The following OLFM3 variants were observed in gnomAD, a reference collection of about 807,000 sequenced individuals.
The protein encoded by OLFM3 is noelin-3.
OLFM3 carries 20 observed loss-of-function variants against 48.6 expected under a neutral mutation model. That is an observed-to-expected ratio of 0.41 (90% confidence interval 0.29 to 0.60). The LOEUF (loss-of-function observed/expected upper bound fraction) is 0.60, where lower values mean the gene tolerates loss of function less well. Among genes scored for constraint, OLFM3 ranks in the 20% least tolerant of loss-of-function variants. OLFM3 has a pLI of 0.28. For synonymous variants in OLFM3, 222 were observed against 198.1 expected (o/e 1.12, Z -1.01); for missense variants, 437 against 544.3 (o/e 0.80, Z 1.96).
At chr1:101,917,987 A>AT (rs1318978396) in intron 1 of OLFM3, among the ~76,000 whole-genome samples, 4 of 152,188 alleles carry the variant, frequency 2.6e-5, no homozygotes, top group African/African-American at 9.7e-5. Flanking sequence ...AAGAACATTG[A>AT]TTAAAAAAAA....
chr1:101,892,169 T>C lies in OLFM3; in HGVS notation c.70-55144A>G, dbSNP rs936848972. Among the ~76,000 whole-genome samples, 3 of 152,076 alleles carry C rather than the reference T, an allele frequency of 2.0e-5. No homozygotes were observed. The South Asian group carries it at 6.2e-4, about 31-fold the overall frequency. ...ATTTTGTTAATAAATGATTCTGCAA[T>C]TTATTTTTCCTGTTAACACTATACA... On this transcript the variant is annotated intron_variant, in intron 1 of 5. Coordinates refer to ENST00000370103, the MANE Select transcript of OLFM3 (RefSeq NM_058170.4).
intron 1 of OLFM3, among the ~76,000 whole-genome samples, chr1:101,940,314 T>A (rs1287145402): frequency 6.6e-6 from 1 of 151,554 alleles, no homozygotes; most frequent in Non-Finnish European, 1.5e-5. Context: ...ATTCTCAGGA[T>A]CCATGTGCTA....
chr1:101,820,806 C>T (rs1488055382), intron 4 of OLFM3, among the ~76,000 whole-genome samples: 1 of 152,062 alleles, frequency 6.6e-6, no homozygotes, highest in Admixed American at 6.6e-5. Flanking sequence ...AGCAAATCCA[C>T]TGAAAAAGTG....
chr1:101,877,211 C>T (rs1657337460), intron 1 of OLFM3, among the ~76,000 whole-genome samples: 1 of 151,932 alleles, frequency 6.6e-6, no homozygotes, highest in South Asian at 2.1e-4. Flanking sequence ...TCTGGATTCG[C>T]AAGTTGAAAC....
intron 1 of OLFM3, among the ~76,000 whole-genome samples, chr1:101,926,468 G>T (rs1222157561): frequency 6.6e-6 from 1 of 152,158 alleles, no homozygotes; most frequent in Non-Finnish European, 1.5e-5. Flanking sequence ...GGAGCAAGAA[G>T]AACCCTGTTT....
intron 5 of OLFM3, among the ~76,000 whole-genome samples, 168 bp downstream of exon 5, chr1:101,805,908 T>C (rs1653748303): frequency 6.6e-6 from 1 of 151,844 alleles, no homozygotes; most frequent in African/African-American, 2.4e-5. Context: ...AAAATAGATT[T>C]GTCATTCTTT....
chr1:101,840,399 T>C (rs6681276), intron 1 of OLFM3, among the ~76,000 whole-genome samples: 82,733 of 151,704 alleles, frequency 0.55, 24,065 homozygotes, highest in Non-Finnish European at 0.64. Flanking sequence ...TATCAGCCAG[T>C]GAGTAGGGAG....
At chr1:101,958,702 C>A (rs1660374348) in intron 1 of OLFM3, among the ~76,000 whole-genome samples, 1 of 151,806 alleles carries the variant, frequency 6.6e-6, no homozygotes, top group South Asian at 2.1e-4. Context: ...AGAGTGGATT[C>A]TTGAGTTAAA....
intron 1 of OLFM3, among the ~76,000 whole-genome samples, chr1:101,883,730 A>G (rs188838872): frequency 3.2e-4 from 49 of 152,140 alleles, no homozygotes; most frequent in African/African-American, 1.1e-3. Context: ...AATAATTATT[A>G]TATCTACTTA....
intron 1 of OLFM3, among the ~76,000 whole-genome samples, chr1:101,962,359 G>A (rs1422255697): frequency 6.6e-6 from 1 of 151,950 alleles, no homozygotes; most frequent in Non-Finnish European, 1.5e-5. Flanking sequence ...ATAGTAAAGT[G>A]GGCTTTTTGT....
chr1:101,851,616 C>T lies in OLFM3; in HGVS notation c.70-14591G>A, dbSNP rs138656844. 3.9e-5 allele frequency among the ~76,000 whole-genome samples: 6 copies of T among 152,144 alleles called. No homozygotes were observed. The East Asian group carries it at 1.2e-3, about 29-fold the overall frequency. On this transcript the variant is annotated intron_variant, in intron 1 of 5. Coordinates refer to ENST00000370103, the MANE Select transcript of OLFM3 (RefSeq NM_058170.4). ...ACACCATCAGTCTGTGGCTCTGGGGCTAATAGTCCAATTCAAAGTAGAGGA... is the reference window on the plus strand; with the variant it reads ...ACACCATCAGTCTGTGGCTCTGGGGTTAATAGTCCAATTCAAAGTAGAGGA...
chr1:101,891,622 A>G (rs1658003133), intron 1 of OLFM3, among the ~76,000 whole-genome samples: 1 of 151,914 alleles, frequency 6.6e-6, no homozygotes, highest in Admixed American at 6.6e-5. Flanking sequence ...AATGTAATAA[A>G]CATTAAAAAC....
intron 1 of OLFM3, among the ~76,000 whole-genome samples, chr1:101,966,927 C>T (rs548050163): frequency 7.5e-4 from 114 of 152,248 alleles, no homozygotes; most frequent in African/African-American, 2.7e-3. Flanking sequence ...ATGTAAGCTT[C>T]CTGAAGGGAA....
chr1:101,889,489 C>A (rs892823704), intron 1 of OLFM3, among the ~76,000 whole-genome samples: 2 of 151,984 alleles, frequency 1.3e-5, no homozygotes, highest in African/African-American at 4.8e-5. Context: ...ACATCACACA[C>A]CAGGGCCTGT....
intron 3 of OLFM3, among the ~76,000 whole-genome samples, chr1:101,830,059 C>T (rs1655073184): frequency 6.6e-6 from 1 of 151,990 alleles, no homozygotes; most frequent in Admixed American, 6.6e-5. Flanking sequence ...AGGATGGTCT[C>T]AATCTCCTGA....
At chr1:101,875,917 C>G (rs1303399571) in intron 1 of OLFM3, among the ~76,000 whole-genome samples, 1 of 151,930 alleles carries the variant, frequency 6.6e-6, no homozygotes, top group African/African-American at 2.4e-5. Context: ...TTTAACTTTC[C>G]TTGAAGAACA....
intron 1 of OLFM3, among the ~76,000 whole-genome samples, chr1:101,881,599 G>A (rs1657527808): frequency 6.6e-6 from 1 of 151,636 alleles, no homozygotes; most frequent in African/African-American, 2.4e-5. Flanking sequence ...CCTTTTATAG[G>A]CACCCTGTAG....
intron 1 of OLFM3, among the ~76,000 whole-genome samples, chr1:101,958,538 C>T (rs899929630): frequency 6.6e-6 from 1 of 152,016 alleles, no homozygotes; most frequent in Admixed American, 6.6e-5. Context: ...GCAGAGCATA[C>T]AGATTAGCTG....
chr1:101,835,111 C>T (rs941311929), intron 2 of OLFM3, among the ~76,000 whole-genome samples: 14 of 151,744 alleles, frequency 9.2e-5, no homozygotes, highest in African/African-American at 4.9e-5. Context: ...AATCTCTCAC[C>T]TTAGTTTATA....
Sources: allele counts gnomAD v4.1 joint callset (sites outside exome capture counted in the v4.1 genomes callset), GRCh38; gene constraint gnomAD v4.1.1; transcripts MANE v1.5; gene names NCBI Gene and HGNC (gene_info 2026-07-23, HGNC 2026-07-21).